The following TAFA4 variants were observed in gnomAD, a reference collection of about 807,000 sequenced individuals.
TAFA4 encodes chemokine-like protein TAFA-4.
Under a neutral mutation model 21.1 loss-of-function variants are expected in TAFA4, and 20 were observed. The ratio of observed to expected loss-of-function variants is 0.95; its 90% confidence interval spans 0.67 to 1.38. The LOEUF (loss-of-function observed/expected upper bound fraction) is 1.38. Among genes scored for constraint, TAFA4 ranks in the 40% most tolerant of loss-of-function variants. The probability of loss-of-function intolerance (pLI) is 0.00; values close to 1 mark genes in which losing one functional copy is unlikely to be tolerated. For synonymous variants in TAFA4, 71 were observed against 67.4 expected (o/e 1.05, Z -0.26); for missense variants, 211 against 180.9 (o/e 1.17, Z -0.95).
chr3:68,829,548 C>G (rs1704329330), intron 3 of TAFA4, among the ~76,000 whole-genome samples: 1 of 152,098 alleles, frequency 6.6e-6, no homozygotes, highest in Non-Finnish European at 1.5e-5. Context: ...CCAACTTGAT[C>G]TGGTGGATAA....
intron 3 of TAFA4, among the ~76,000 whole-genome samples, chr3:68,864,413 T>TA (rs1488896223): frequency 1.3e-5 from 2 of 152,114 alleles, no homozygotes; most frequent in African/African-American, 2.4e-5. Flanking sequence ...ACACACCTAT[T>TA]AAAAATGGCT....
intron 3 of TAFA4, among the ~76,000 whole-genome samples, chr3:68,754,448 G>C (rs979144742): frequency 3.3e-5 from 5 of 152,126 alleles, no homozygotes; most frequent in African/African-American, 1.2e-4. Context: ...GCTTGGATTT[G>C]TGTGATGCTT....
At chr3:68,766,086 C>T (rs546821333) in intron 3 of TAFA4, among the ~76,000 whole-genome samples, 1 of 152,058 alleles carries the variant, frequency 6.6e-6, no homozygotes, top group East Asian at 1.9e-4. Context: ...GAAACAATGA[C>T]AAGGAACAGA....
chr3:68,878,481 G>GCATCTTTCC (rs2089579129), intron 3 of TAFA4, among the ~76,000 whole-genome samples: 3 of 152,102 alleles, frequency 2.0e-5, no homozygotes, highest in African/African-American at 4.8e-5. Flanking sequence ...CTTCCTTCCA[G>GCATCTTTCC]AAGGCATCTT....
At chr3:68,876,104 T>A (rs1204981789) in intron 3 of TAFA4, among the ~76,000 whole-genome samples, 2 of 152,196 alleles carry the variant, frequency 1.3e-5, no homozygotes, top group Non-Finnish European at 2.9e-5. Flanking sequence ...CTTATCATAG[T>A]AGGCTCTAAC....
At chr3:68,864,995 A>C (rs1191955663) in intron 3 of TAFA4, among the ~76,000 whole-genome samples, 1 of 152,118 alleles carries the variant, frequency 6.6e-6, no homozygotes, top group East Asian at 1.9e-4. Flanking sequence ...GAGTATAAGG[A>C]AACTTTTGGG....
intron 3 of TAFA4, among the ~76,000 whole-genome samples, chr3:68,813,336 G>A (rs1703884332): frequency 6.6e-6 from 1 of 152,158 alleles, no homozygotes; most frequent in Non-Finnish European, 1.5e-5. Context: ...CAGAACTGAA[G>A]GAGACAGAGA....
chr3:68,855,591 C>T (rs1266205080), intron 3 of TAFA4, among the ~76,000 whole-genome samples: 1 of 151,834 alleles, frequency 6.6e-6, no homozygotes, highest in Non-Finnish European at 1.5e-5. Context: ...ATCCCTAAGA[C>T]AAACTGATAA....
rs754501105 is a variant in TAFA4, at chr3:68,883,496, TG to T, written c.14+1678del. Among the ~76,000 whole-genome samples, 140 of 152,302 alleles carry T rather than the reference TG, an allele frequency of 9.2e-4. 3 individuals carry two copies. The highest frequency in any genetic ancestry group is 6.8e-3 in the Admixed American group (104 of 15,292). On this transcript the variant is annotated intron_variant, in intron 2 of 5. Coordinates refer to ENST00000295569, the MANE Select transcript of TAFA4 (RefSeq NM_182522.5). ...AATCCCTTCATCTATGCCTTACAGGTGTAATTTAATCAAAGATGTGAAACTC... is the reference window on the plus strand; with the variant it reads ...AATCCCTTCATCTATGCCTTACAGGTTAATTTAATCAAAGATGTGAAACTC...
chr3:68,901,515 A>G (rs2089843955), intron 1 of TAFA4, among the ~76,000 whole-genome samples: 1 of 152,128 alleles, frequency 6.6e-6, no homozygotes, highest in African/African-American at 2.4e-5. Flanking sequence ...ATGCTACCCA[A>G]TTAGTAGCTA....
intron 4 of TAFA4, among the ~76,000 whole-genome samples, chr3:68,744,907 G>T (rs1453899259): frequency 6.6e-6 from 1 of 152,142 alleles, no homozygotes; most frequent in Admixed American, 6.5e-5. Context: ...ATAGCAAGCT[G>T]CCCTGAAATG....
chr3:68,830,282 GGT>G (rs1200079619), intron 3 of TAFA4, among the ~76,000 whole-genome samples: 1 of 151,912 alleles, frequency 6.6e-6, no homozygotes, highest in African/African-American at 2.4e-5. Context: ...GTGATGTTAG[GGT>G]GTCAATTTTA....
At chr3:68,836,071 A>G (rs1289937884) in intron 3 of TAFA4, among the ~76,000 whole-genome samples, 1 of 152,234 alleles carries the variant, frequency 6.6e-6, no homozygotes, top group Non-Finnish European at 1.5e-5. Context: ...TTTCAATCTC[A>G]TGAAGTATTC....
intron 1 of TAFA4, among the ~76,000 whole-genome samples, chr3:68,899,818 T>C (rs1353802620): frequency 6.6e-6 from 1 of 152,156 alleles, no homozygotes; most frequent in Non-Finnish European, 1.5e-5. Flanking sequence ...AGGTATTAAA[T>C]GTACTATTCA....
chr3:68,852,124 A>G (rs1704965592), intron 3 of TAFA4, among the ~76,000 whole-genome samples: 1 of 152,214 alleles, frequency 6.6e-6, no homozygotes, highest in Non-Finnish European at 1.5e-5. Flanking sequence ...GAAGAAATGA[A>G]GAGTCCACAC....
intron 1 of TAFA4, among the ~76,000 whole-genome samples, chr3:68,903,508 A>G (rs2089864605): frequency 6.6e-6 from 1 of 152,224 alleles, no homozygotes; most frequent in African/African-American, 2.4e-5. Flanking sequence ...TATGTAGTTA[A>G]CAGGCTTGCT....
chr3:68,857,187 A>AT (rs1473382812), intron 3 of TAFA4, among the ~76,000 whole-genome samples: 3 of 152,160 alleles, frequency 2.0e-5, no homozygotes, highest in Non-Finnish European at 4.4e-5. Flanking sequence ...ATTTCTCCCA[A>AT]TTTGTGCAAA....
rs143078773 is a variant in TAFA4, at chr3:68,831,635, C to T, written c.130+49095G>A. Among the ~76,000 whole-genome samples, 286 of 152,240 alleles carry T rather than the reference C, an allele frequency of 1.9e-3. 2 individuals are homozygous for T. Among genetic ancestry groups the T allele is most frequent in the African/African-American group, 6.6e-3 (274 of 41,556 alleles). ...TTAACATTTTTTCCTTCATTTCAAC[C>T]TTGGTGAATCTGGCAATTATATGTC... On this transcript the variant is annotated intron_variant, in intron 3 of 5. Coordinates refer to ENST00000295569, the MANE Select transcript of TAFA4 (RefSeq NM_182522.5).
chr3:68,757,897 T>G (rs975339785), intron 3 of TAFA4, among the ~76,000 whole-genome samples: 1 of 152,220 alleles, frequency 6.6e-6, no homozygotes, highest in Non-Finnish European at 1.5e-5. Context: ...TTAGATTTGA[T>G]AAAATATAGG....
Sources: gnomAD v4.1 joint callset for allele counts (sites outside exome capture counted in the v4.1 genomes callset) on GRCh38, gnomAD v4.1.1 for gene constraint, MANE v1.5 for transcripts, NCBI Gene and HGNC (gene_info 2026-07-23, HGNC 2026-07-21) for gene names.